The following KLHL1 variants were observed in gnomAD, a reference collection of about 807,000 sequenced individuals.
KLHL1 encodes the protein kelch-like protein 1.
A neutral mutation model predicts 77.7 loss-of-function variants in KLHL1; 47 were observed. The ratio of observed to expected loss-of-function variants is 0.60; its 90% CI spans 0.48 to 0.77. The LOEUF is 0.77. Ranked by LOEUF, KLHL1 falls within the 30% of genes least tolerant of loss-of-function variation. The probability of loss-of-function intolerance (pLI) is 0.00; values close to 1 mark genes in which losing one functional copy is unlikely to be tolerated. For synonymous variants in KLHL1, 360 were observed against 325.2 expected, an observed-to-expected ratio of 1.11 and a Z score of -1.15; for missense variants, 925 against 910.8, an observed-to-expected ratio of 1.02 and a Z score of -0.20.
intron 9 of KLHL1, among the ~76,000 whole-genome samples, chr13:69,712,672 C>T (rs1295264042): frequency 6.6e-6 from 1 of 150,784 alleles, no homozygotes; most frequent in African/African-American, 2.4e-5. Context: ...ATCATATTTC[C>T]AATATACACA....
intron 1 of KLHL1, among the ~76,000 whole-genome samples, chr13:70,000,937 C>CA (rs371488613): frequency 0.067 from 8,872 of 131,618 alleles, 300 homozygotes; most frequent in Admixed American, 0.087. Context: ...GAAAAAAAAA[C>CA]AAAAAATAGA....
intron 7 of KLHL1, among the ~76,000 whole-genome samples, chr13:69,744,593 GA>G (rs1300464131): frequency 2.0e-5 from 3 of 151,310 alleles, no homozygotes; most frequent in Non-Finnish European, 4.4e-5. Context: ...TTTATCACAA[GA>G]ATATCCCTGT....
At chr13:70,099,567 C>T (rs950375403) in intron 1 of KLHL1, among the ~76,000 whole-genome samples, 6 of 151,598 alleles carry the variant, frequency 4.0e-5, no homozygotes, top group African/African-American at 1.5e-4. Flanking sequence ...GTATTTGGCC[C>T]CAACATATGA....
chr13:69,723,912 A>G (rs1478206044), intron 8 of KLHL1, among the ~76,000 whole-genome samples: 1 of 148,046 alleles, frequency 6.8e-6, no homozygotes, highest in Non-Finnish European at 1.5e-5. Context: ...ATCTTGGCTC[A>G]CTACAACCTC....
At chr13:70,054,286 T>C (rs1442753215) in intron 1 of KLHL1, among the ~76,000 whole-genome samples, 2 of 152,068 alleles carry the variant, frequency 1.3e-5, no homozygotes, top group African/African-American at 4.8e-5. Flanking sequence ...CTTTAAATAA[T>C]ACAAATCGAA....
intron 5 of KLHL1, among the ~76,000 whole-genome samples, chr13:69,847,465 C>A (rs7317095): frequency 0.94 from 141,271 of 150,864 alleles, 66,307 homozygotes; most frequent in East Asian, 0.99. Flanking sequence ...ATGTACCAAG[C>A]GCAGCAATCA....
intron 7 of KLHL1, among the ~76,000 whole-genome samples, chr13:69,766,591 G>C (rs971813333): frequency 6.6e-6 from 1 of 151,964 alleles, no homozygotes; most frequent in Non-Finnish European, 1.5e-5. Flanking sequence ...GAAGGTGGGA[G>C]AGAAAAGGCA....
intron 7 of KLHL1, among the ~76,000 whole-genome samples, chr13:69,777,534 T>C (rs1875893313): frequency 6.6e-6 from 1 of 152,208 alleles, no homozygotes. Flanking sequence ...TCCAATATCA[T>C]TTAAATTAAT....
At chr13:70,000,407 G>A (rs1411180952) in intron 1 of KLHL1, among the ~76,000 whole-genome samples, 1 of 151,666 alleles carries the variant, frequency 6.6e-6, no homozygotes, top group East Asian at 1.9e-4. Context: ...AATCCACAAA[G>A]TTTCTTCCCA....
intron 6 of KLHL1, among the ~76,000 whole-genome samples, chr13:69,812,438 C>A (rs1421612263): frequency 2.0e-5 from 3 of 152,010 alleles, no homozygotes; most frequent in Non-Finnish European, 4.4e-5. Context: ...TCTAAAACAC[C>A]AAAAGCAATG....
intron 1 of KLHL1, among the ~76,000 whole-genome samples, chr13:70,076,636 AT>A (rs1887275214): frequency 6.6e-6 from 1 of 151,974 alleles, no homozygotes; most frequent in South Asian, 2.1e-4. Flanking sequence ...ACAAAACAAA[AT>A]TTTGTAAGTT....
intron 3 of KLHL1, among the ~76,000 whole-genome samples, chr13:69,951,425 C>G (rs185911315): frequency 1.3e-4 from 20 of 151,604 alleles, no homozygotes; most frequent in Non-Finnish European, 2.5e-4. Context: ...TTAGTAGGAA[C>G]ATGTTTCTGT....
chr13:69,868,637 T>C (rs1243546277), intron 5 of KLHL1, among the ~76,000 whole-genome samples: 1 of 152,170 alleles, frequency 6.6e-6, no homozygotes, highest in African/African-American at 2.4e-5. Flanking sequence ...ATATCTGCGT[T>C]GTTATTTATT....
intron 4 of KLHL1, among the ~76,000 whole-genome samples, chr13:69,930,602 A>G (rs1048836460): frequency 1.4e-4 from 21 of 151,842 alleles, no homozygotes; most frequent in Non-Finnish European, 2.8e-4. Flanking sequence ...CTGCACATAC[A>G]ACAAAGCAAA....
At chr13:69,847,735 G>A (rs960807940) in intron 5 of KLHL1, among the ~76,000 whole-genome samples, 1 of 151,282 alleles carries the variant, frequency 6.6e-6, no homozygotes, top group Non-Finnish European at 1.5e-5. Flanking sequence ...ACTGGATCTT[G>A]TGCTAAAAAT....
intron 7 of KLHL1, among the ~76,000 whole-genome samples, chr13:69,756,305 G>A (rs1874732959): frequency 6.8e-6 from 1 of 146,644 alleles, no homozygotes; most frequent in Admixed American, 6.7e-5. Context: ...AAAATATTGG[G>A]GGATAAAATG....
chr13:69,730,195 A>G (rs543463304), intron 8 of KLHL1, among the ~76,000 whole-genome samples: 5 of 152,278 alleles, frequency 3.3e-5, no homozygotes, highest in Admixed American at 2.6e-4. Context: ...GTAAAGTCAT[A>G]AAGAAGGTCA....
intron 5 of KLHL1, among the ~76,000 whole-genome samples, chr13:69,864,413 T>C (rs1880291602): frequency 6.6e-6 from 1 of 151,948 alleles, no homozygotes; most frequent in South Asian, 2.1e-4. Context: ...CATATAAATA[T>C]ACATACAAAA....
chr13:70,007,276 A>G (rs1484446244), intron 1 of KLHL1, among the ~76,000 whole-genome samples: 3 of 152,040 alleles, frequency 2.0e-5, no homozygotes, highest in Non-Finnish European at 4.4e-5. Flanking sequence ...AAATTCTAGA[A>G]TTTAGACATT....
Sources: allele counts gnomAD v4.1 joint callset (sites outside exome capture counted in the v4.1 genomes callset), GRCh38; gene constraint gnomAD v4.1.1; transcripts MANE v1.5; gene names NCBI Gene and HGNC (gene_info 2026-07-23, HGNC 2026-07-21).